The following POLR1D variants were observed in gnomAD, a reference collection of about 807,000 sequenced individuals.
POLR1D encodes DNA-directed RNA polymerases I and III subunit RPAC2.
POLR1D carries 8 observed loss-of-function variants against 10.8 expected under a neutral mutation model. The observed-to-expected ratio is 0.74, with a 90% CI of 0.43 to 1.33. The LOEUF (loss-of-function observed/expected upper bound fraction) is 1.33, where lower values mean the gene tolerates loss of function less well. POLR1D is among the 40% of genes most tolerant of loss of function. The pLI, the probability that POLR1D is intolerant of heterozygous loss-of-function variation, is 0.01. For missense variants in POLR1D, 152 were observed against 161.7 expected, an observed-to-expected ratio of 0.94 and a Z score of 0.32; for synonymous variants, 54 against 57.2, an observed-to-expected ratio of 0.94 and a Z score of 0.25.
At chr13:27,647,873 G>C (rs1021262541) in intron 1 of POLR1D, 4 of 160,022 alleles carry the variant, frequency 2.5e-5, no homozygotes, top group African/African-American at 7.2e-5. Context: ...TATTCTTAAG[G>C]TTCTTTATTA....
chr13:27,635,729 TACACACATATATATATATAA>T (rs2138538453), intron 1 of POLR1D, among the ~76,000 whole-genome samples: 1 of 119,854 alleles, frequency 8.3e-6, no homozygotes, highest in Non-Finnish European at 1.9e-5. Flanking sequence ...TATATATACA[TACACACATATATATATATAA>T]ATTGTATTTA....
At chr13:27,636,918 GT>G (rs1193689464) in intron 1 of POLR1D, among the ~76,000 whole-genome samples, 1 of 151,860 alleles carries the variant, frequency 6.6e-6, no homozygotes, top group African/African-American at 2.4e-5. Flanking sequence ...TTAAAGTATA[GT>G]TTTAATTCAG....
At chr13:27,650,153 T>A (rs1190161575) in intron 2 of POLR1D, 4 of 397,670 alleles carry the variant, frequency 1.0e-5, no homozygotes, top group Non-Finnish European at 1.8e-5. Context: ...CCAGCATCAG[T>A]GTGTGATAAT....
At chr13:27,655,467 T>C (rs1198423357) in intron 2 of POLR1D, among the ~76,000 whole-genome samples, 1 of 152,204 alleles carries the variant, frequency 6.6e-6, no homozygotes, top group Non-Finnish European at 1.5e-5. Flanking sequence ...TTGTTTGGGA[T>C]GCAGATTCAG....
Position 27,665,742 on chromosome 13 carries a change from A to G in POLR1D, c.158A>G (p.Asn53Ser). 6.2e-7 allele frequency: 1 copy of G among 1,613,744 alleles called. No homozygotes were observed. The highest frequency in any genetic ancestry group is 8.5e-7 in the Non-Finnish European group (1 of 1,179,586). Residue 53 changes from asparagine (N) to serine (S), a missense_variant, in exon 3 of 3, where the codon AAC (asparagine) becomes AGC (serine). Coordinates refer to the POLR1D transcript ENST00000399697. ...AGATTTCTAATTAACACAATTAAAA[A>G]CACATTGCCCTCTCATAAAGAGCAA...
chr13:27,621,621 C>T (rs573193850), upstream of POLR1D: 7 of 168,130 alleles, frequency 4.2e-5, 1 homozygote, highest in South Asian at 1.4e-3. Context: ...TTCGCCATCA[C>T]CTGGGGAAAG....
chr13:27,633,962 G>A (rs896462021), intron 1 of POLR1D, among the ~76,000 whole-genome samples: 7 of 152,228 alleles, frequency 4.6e-5, no homozygotes, highest in Non-Finnish European at 4.4e-5. Flanking sequence ...TGAGGAGTAA[G>A]AGAGTACCAT....
chr13:27,645,179 C>T (rs1256750051), intron 1 of POLR1D, among the ~76,000 whole-genome samples: 1 of 152,234 alleles, frequency 6.6e-6, no homozygotes, highest in Non-Finnish European at 1.5e-5. Flanking sequence ...AGTCCTCCTT[C>T]ATTCCTTCCG....
downstream of POLR1D, among the ~76,000 whole-genome samples, chr13:27,628,066 G>C (rs1449846236): frequency 6.6e-6 from 1 of 152,130 alleles, no homozygotes; most frequent in African/African-American, 2.4e-5. Flanking sequence ...TCTCCAGCCT[G>C]TCCTTACTAA....
In POLR1D at chr13:27,622,529, T is replaced by C. The variant is rs750549877; in HGVS notation, c.27-346T>C. ...AGAGCAATCGGGATTTCTATGCCTTTCAACCCTCTCTTCATCCTCTAGCAG... is the reference window on the plus strand; with the variant it reads ...AGAGCAATCGGGATTTCTATGCCTTCCAACCCTCTCTTCATCCTCTAGCAG... On this transcript the variant is annotated intron_variant, in intron 1 of 1. Coordinates refer to ENST00000302979, the MANE Select transcript of POLR1D (RefSeq NM_015972.4). 4 of 321,436 alleles carry C rather than the reference T, an allele frequency of 1.2e-5. No homozygotes were observed. In the South Asian group the frequency reaches 1.4e-4, roughly 11 times the overall value. The allele number at this position is 321,436 out of a possible 1,614,324, so 19.9% of individuals were successfully genotyped here. A position where few individuals can be genotyped will look rare whatever the true frequency, so the allele number is the denominator to read the frequency against.
intron 2 of POLR1D, among the ~76,000 whole-genome samples, chr13:27,664,377 T>A (rs1956395027): frequency 6.6e-6 from 1 of 152,228 alleles, no homozygotes; most frequent in Non-Finnish European, 1.5e-5. Flanking sequence ...TGTCACCACC[T>A]CTGAATGTTC....
intron 1 of POLR1D, 186 bp downstream of exon 1, chr13:27,622,195 A>C: frequency 1.6e-6 from 1 of 627,286 alleles, no homozygotes; most frequent in Admixed American, 2.6e-5. Context: ...CTAGCTATCA[A>C]GGAGGGAAGA....
intron 1 of POLR1D, among the ~76,000 whole-genome samples, chr13:27,644,036 C>G (rs967774287): frequency 1.3e-5 from 2 of 152,154 alleles, no homozygotes; most frequent in Non-Finnish European, 2.9e-5. Context: ...CTGAGAGAGA[C>G]ACAAATGAGG....
intron 2 of POLR1D, among the ~76,000 whole-genome samples, chr13:27,662,685 C>G (rs1312374674): frequency 6.6e-6 from 1 of 152,126 alleles, no homozygotes. Flanking sequence ...GTCTGTTATT[C>G]CCATTTTGCA....
At chr13:27,642,067 AAC>A (rs2138547236) in intron 1 of POLR1D, among the ~76,000 whole-genome samples, 1 of 152,298 alleles carries the variant, frequency 6.6e-6, no homozygotes, top group Non-Finnish European at 1.5e-5. Context: ...GTCATCTCAA[AAC>A]ACAATTAGCA....
At chr13:27,654,715 G>A (rs1042069952) in intron 2 of POLR1D, among the ~76,000 whole-genome samples, 1 of 152,046 alleles carries the variant, frequency 6.6e-6, no homozygotes, top group Non-Finnish European at 1.5e-5. Context: ...GATGCTCAAG[G>A]GTAAAAATTT....
intron 1 of POLR1D, among the ~76,000 whole-genome samples, chr13:27,645,517 T>C (rs1298650406): frequency 6.6e-6 from 1 of 152,158 alleles, no homozygotes; most frequent in Non-Finnish European, 1.5e-5. Context: ...GTAATAACTA[T>C]GTTATCATGG....
At chr13:27,648,519 T>A in intron 2 of POLR1D, 1 of 1,001,388 alleles carries the variant, frequency 1.0e-6, no homozygotes, top group Non-Finnish European at 1.6e-6. Flanking sequence ...TATAAATATG[T>A]AAATCTTTAG....
intron 2 of POLR1D, among the ~76,000 whole-genome samples, chr13:27,661,343 C>T (rs1447170927): frequency 6.6e-6 from 1 of 152,158 alleles, no homozygotes; most frequent in Non-Finnish European, 1.5e-5. Context: ...GTTGTTAGCA[C>T]CTTAAATCTG....
Sources: allele counts gnomAD v4.1 joint callset (sites outside exome capture counted in the v4.1 genomes callset), GRCh38; gene constraint gnomAD v4.1.1; transcripts MANE v1.5; gene names NCBI Gene and HGNC (gene_info 2026-07-23, HGNC 2026-07-21).